The following FOXP1 variants were observed in gnomAD, a reference collection of about 807,000 sequenced individuals.
FOXP1 encodes forkhead box P1.
Under a neutral mutation model 98.2 loss-of-function variants are expected in FOXP1, and 15 were observed. The observed-to-expected ratio is 0.15, with a 90% CI of 0.10 to 0.24. The LOEUF is 0.24. Ranked by LOEUF, FOXP1 falls within the 10% of genes least tolerant of loss-of-function variation. The pLI is 1.00. For missense variants in FOXP1, 633 were observed against 848.5 expected (o/e 0.75, Z 3.15); for synonymous variants, 371 against 314.5 (o/e 1.18, Z -1.90).
intron 3 of FOXP1, among the ~76,000 whole-genome samples, chr3:71,434,354 A>G (rs1257288860): frequency 6.6e-6 from 1 of 151,768 alleles, no homozygotes; most frequent in Non-Finnish European, 1.5e-5. Flanking sequence ...CTGGGAGTCC[A>G]CCTGCAGGCT....
At chr3:71,322,921 T>C (rs2075475833) in intron 4 of FOXP1, among the ~76,000 whole-genome samples, 1 of 151,926 alleles carries the variant, frequency 6.6e-6, no homozygotes. Flanking sequence ...GCCAGAGCCC[T>C]TGCCCCAAAT....
rs1452904572 is a variant in FOXP1, at chr3:71,369,543, C to T, written c.-167-10299G>A. 2.0e-5 allele frequency among the ~76,000 whole-genome samples: 3 copies of T among 152,154 alleles called. No homozygotes were observed. In the East Asian group the frequency reaches 5.8e-4, roughly 29 times the overall value. ...CTAAGTAGCTGGGATTATAGGCATG[C>T]ACCACCATGCCCAGCTAATTTTGGT... On this transcript the variant is annotated intron_variant, in intron 3 of 20. Transcript: ENST00000649528.
chr3:71,341,331 T>C (rs757189453), intron 4 of FOXP1, among the ~76,000 whole-genome samples: 4 of 152,236 alleles, frequency 2.6e-5, no homozygotes, highest in Non-Finnish European at 4.4e-5. Context: ...AAGTGGAGAT[T>C]AAACTATACA....
chr3:71,583,651 A>C lies in FOXP1; in HGVS notation c.-527T>G. 4 of 983,420 alleles carry C rather than the reference A, an allele frequency of 4.1e-6. No homozygotes were observed. The highest frequency in any genetic ancestry group is 4.8e-6 in the Non-Finnish European group (4 of 829,320). 60.9% of individuals were successfully genotyped at this position (983,420 alleles called of 1,614,324 possible). A position where few individuals can be genotyped will look rare whatever the true frequency, so the allele number is the denominator to read the frequency against. On this transcript the variant is annotated 5_prime_UTR_variant, in exon 1 of 21. Coordinates refer to ENST00000649528, the MANE Select transcript of FOXP1 (RefSeq NM_001349338.3). ...CGCGCCCACTCCCGCCCGCGCGCGC[A>C]CCCCGCGCACACACTCACTCGCGCA...
At chr3:71,092,025 TA>T (rs1276067920) in intron 7 of FOXP1, among the ~76,000 whole-genome samples, 1 of 151,860 alleles carries the variant, frequency 6.6e-6, no homozygotes, top group East Asian at 1.9e-4. Flanking sequence ...CCGTCTCTAC[TA>T]AAAATACAAA....
chr3:70,971,889 GTTTCGTTGCA>G, intron 18 of FOXP1: 1 of 694,754 alleles, frequency 1.4e-6, no homozygotes, highest in Non-Finnish European at 2.1e-6. Flanking sequence ...ACACAATTTA[GTTTCGTTGCA>G]GAAAGCTGTG....
At chr3:71,500,906 G>C (rs1018188670) in intron 2 of FOXP1, among the ~76,000 whole-genome samples, 1 of 152,166 alleles carries the variant, frequency 6.6e-6, no homozygotes, top group Non-Finnish European at 1.5e-5. Context: ...TAAATGTCAA[G>C]GATGGCTAGG....
chr3:70,976,369 T>C (rs1250623008), intron 17 of FOXP1, among the ~76,000 whole-genome samples: 1 of 152,136 alleles, frequency 6.6e-6, no homozygotes, highest in East Asian at 1.9e-4. Context: ...TCTCTTGACT[T>C]AAAACCAAAA....
At chr3:71,451,534 A>C (rs2086956591) in intron 3 of FOXP1, among the ~76,000 whole-genome samples, 1 of 146,774 alleles carries the variant, frequency 6.8e-6, no homozygotes, top group Non-Finnish European at 1.5e-5. Flanking sequence ...CATTTAAATG[A>C]GTTTTTTTTT....
rs67711426 is a variant in FOXP1 at position 70,967,687 on chromosome 3, G to GTTTTTTTTTTTTTTTTTTTTT, written c.1723-1632_1723-1631insAAAAAAAAAAAAAAAAAAAAA. Among the ~76,000 whole-genome samples the GTTTTTTTTTTTTTTTTTTTTT allele has an allele frequency of 3.7e-4, 23 of 61,354 alleles. 1 individual carries two copies. Among genetic ancestry groups the GTTTTTTTTTTTTTTTTTTTTT allele is most frequent in the South Asian group, 5.9e-4 (1 of 1,706 alleles). The allele number at this position is 61,354 out of a possible 152,430, so 40.3% of individuals were successfully genotyped here. ...GCAGTTGCCAGAACTACTATTATTT[G>GTTTTTTTTTTTTTTTTTTTTT]TTTTTTTTTTTTGTTTTTTTTTGTT... On this transcript the variant is annotated intron_variant, in intron 19 of 20. Coordinates refer to ENST00000649528, the MANE Select transcript of FOXP1 (RefSeq NM_001349338.3).
intron 1 of FOXP1, chr3:71,582,011 G>A (rs1172719532): frequency 5.1e-6 from 5 of 973,554 alleles, no homozygotes; most frequent in South Asian, 4.7e-5. Flanking sequence ...GATCACGGGC[G>A]CAAGGTTTGG....
Position 70,958,322 on chromosome 3 carries a change from C to A in FOXP1, c.*925G>T, listed in dbSNP as rs1302612515. On this transcript the variant is annotated 3_prime_UTR_variant, in exon 21 of 21. Transcript: ENST00000649528. ...TAGAGTTTGTCTCTCTTTTTTTTTT[C>A]TGTCATTCATTCTCTTTCTGGCAGG... 5.8e-6 allele frequency: 3 copies of A among 517,798 alleles called. No homozygotes were observed. The highest frequency in any genetic ancestry group is 4.7e-5 in the Admixed American group (2 of 42,912). The allele number at this position is 517,798 out of a possible 1,614,324, so 32.1% of individuals were successfully genotyped here.
At chr3:70,987,401 G>A (rs1238268196) in intron 14 of FOXP1, among the ~76,000 whole-genome samples, 1 of 152,212 alleles carries the variant, frequency 6.6e-6, no homozygotes, top group Admixed American at 6.5e-5. Context: ...CAAATTAAAT[G>A]TAATTTCAGT....
At chr3:71,393,649 A>G (rs2081186659) in intron 3 of FOXP1, among the ~76,000 whole-genome samples, 1 of 152,246 alleles carries the variant, frequency 6.6e-6, no homozygotes, top group African/African-American at 2.4e-5. Flanking sequence ...ATAAAACTTG[A>G]AAATGATTTC....
intron 5 of FOXP1, among the ~76,000 whole-genome samples, chr3:71,245,669 A>T (rs1294597100): frequency 6.6e-6 from 1 of 151,940 alleles, no homozygotes; most frequent in Non-Finnish European, 1.5e-5. Flanking sequence ...CTTCATAAAA[A>T]TTCCTCATTC....
intron 5 of FOXP1, among the ~76,000 whole-genome samples, chr3:71,256,606 C>A (rs1023587846): frequency 5.3e-5 from 8 of 152,060 alleles, no homozygotes; most frequent in African/African-American, 1.7e-4. Context: ...ATGGTCTCAA[C>A]CGCTTAACCT....
At chr3:71,319,611 C>T (rs966246980) in intron 4 of FOXP1, among the ~76,000 whole-genome samples, 6 of 152,172 alleles carry the variant, frequency 3.9e-5, no homozygotes, top group Non-Finnish European at 8.8e-5. Flanking sequence ...CTCCCTGTCT[C>T]CACTTATTCA....
intron 3 of FOXP1, among the ~76,000 whole-genome samples, chr3:71,437,204 C>T (rs781188335): frequency 2.6e-5 from 4 of 152,016 alleles, no homozygotes; most frequent in Non-Finnish European, 2.9e-5. Flanking sequence ...CCTAGGAGTT[C>T]GAGACCAACC....
intron 2 of FOXP1, among the ~76,000 whole-genome samples, chr3:71,498,454 A>G (rs947367439): frequency 3.3e-5 from 5 of 152,288 alleles, no homozygotes; most frequent in Admixed American, 6.5e-5. Context: ...TCAACCTCCA[A>G]AAGTCTGCCC....
Sources: gnomAD v4.1 joint callset for allele counts (sites outside exome capture counted in the v4.1 genomes callset) on GRCh38, gnomAD v4.1.1 for gene constraint, MANE v1.5 for transcripts, NCBI Gene and HGNC (gene_info 2026-07-23, HGNC 2026-07-21) for gene names.